The following FER variants were observed in gnomAD, a reference collection of about 807,000 sequenced individuals.
FER encodes FER tyrosine kinase.
In FER, 63 loss-of-function variants were observed where a neutral mutation model predicts 111.0. The observed-to-expected ratio is 0.57, with a 90% CI of 0.46 to 0.70. FER has a LOEUF of 0.70. Among genes scored for constraint, FER ranks in the 30% least tolerant of loss-of-function variants. FER has a pLI of 0.00. For missense variants in FER, 914 were observed against 954.0 expected, an observed-to-expected ratio of 0.96 and a Z score of 0.55; for synonymous variants, 327 against 313.9, an observed-to-expected ratio of 1.04 and a Z score of -0.44.
chr5:108,849,452 G>GTTT (rs895625161), intron 5 of FER, among the ~76,000 whole-genome samples: 4 of 129,108 alleles, frequency 3.1e-5, no homozygotes, highest in African/African-American at 1.2e-4. Flanking sequence ...TCTGGTGGTG[G>GTTT]TTTTGTTGTT....
At chr5:108,950,937 A>G (rs1418177505) in intron 11 of FER, among the ~76,000 whole-genome samples, 1 of 151,708 alleles carries the variant, frequency 6.6e-6, no homozygotes, top group Non-Finnish European at 1.5e-5. Context: ...AGTAATACAT[A>G]GCTTTAAAAT....
chr5:108,890,912 T>G (rs1283121919), intron 9 of FER, among the ~76,000 whole-genome samples: 2 of 152,148 alleles, frequency 1.3e-5, no homozygotes, highest in Non-Finnish European at 2.9e-5. Flanking sequence ...AGTAACTGCC[T>G]AGGATCACAG....
chr5:109,022,118 G>A (rs964700687), intron 13 of FER, among the ~76,000 whole-genome samples: 5 of 152,096 alleles, frequency 3.3e-5, no homozygotes, highest in African/African-American at 1.2e-4. Flanking sequence ...CCTAGAATAT[G>A]TGCCCATATA....
chr5:108,881,990 C>A (rs1458844791), intron 8 of FER, among the ~76,000 whole-genome samples: 1 of 151,878 alleles, frequency 6.6e-6, no homozygotes, highest in African/African-American at 2.4e-5. Context: ...CTACATTTTG[C>A]CTTTTAATTT....
At chr5:108,921,801 G>A (rs920682959) in intron 10 of FER, among the ~76,000 whole-genome samples, 2 of 152,104 alleles carry the variant, frequency 1.3e-5, no homozygotes, top group African/African-American at 4.8e-5. Context: ...CAAACAGTAG[G>A]AATAGATGTT....
At chr5:108,859,557 G>A (rs1763312179) in intron 5 of FER, among the ~76,000 whole-genome samples, 1 of 151,978 alleles carries the variant, frequency 6.6e-6, no homozygotes. Flanking sequence ...TATATTTTTG[G>A]GTAATATGTG....
chr5:108,901,915 C>T (rs954990747), intron 10 of FER, among the ~76,000 whole-genome samples: 11 of 152,162 alleles, frequency 7.2e-5, no homozygotes, highest in Admixed American at 5.2e-4. Flanking sequence ...TGTGCCACTG[C>T]ACTCCAGCCT....
chr5:108,994,872 A>G (rs1232335459), intron 13 of FER, among the ~76,000 whole-genome samples: 1 of 152,108 alleles, frequency 6.6e-6, no homozygotes, highest in Non-Finnish European at 1.5e-5. Context: ...CTTTGTAGCA[A>G]TTGTGAATGG....
chr5:108,838,274 G>A (rs185663428), intron 5 of FER, among the ~76,000 whole-genome samples: 19 of 152,188 alleles, frequency 1.2e-4, no homozygotes, highest in Admixed American at 1.0e-3. Context: ...GCCAGATTAG[G>A]ACACTTTTGG....
chr5:108,845,067 T>TATACATATATATATATATACACACAC (rs1486282738), intron 5 of FER, among the ~76,000 whole-genome samples: 17 of 53,876 alleles, frequency 3.2e-4, no homozygotes, highest in Non-Finnish European at 3.5e-4. Context: ...TATATATATA[T>TATACATATATATATATATACACACAC]ACACACACAC....
chr5:108,828,715 A>G (rs1265408236), intron 3 of FER, among the ~76,000 whole-genome samples: 4 of 152,238 alleles, frequency 2.6e-5, no homozygotes, highest in African/African-American at 9.6e-5. Context: ...ATTCAATTGT[A>G]AGGAATACTA....
At chr5:108,964,851 T>C (rs1363423909) in intron 13 of FER, among the ~76,000 whole-genome samples, 4 of 152,136 alleles carry the variant, frequency 2.6e-5, no homozygotes, top group Non-Finnish European at 2.9e-5. Context: ...AGAACTTTTT[T>C]CCCAGTAACA....
At chr5:108,825,566 G>T (rs972815200) in intron 3 of FER, among the ~76,000 whole-genome samples, 1 of 152,118 alleles carries the variant, frequency 6.6e-6, no homozygotes, top group African/African-American at 2.4e-5. Flanking sequence ...TGCAATTTGT[G>T]TAGTTAACGC....
At chr5:108,818,109 C>T in intron 3 of FER, 1 of 152,090 alleles carries the variant, frequency 6.6e-6, no homozygotes, top group East Asian at 1.9e-4. Context: ...CACAAAACAA[C>T]ACTGCCAAAG....
intron 13 of FER, among the ~76,000 whole-genome samples, chr5:109,006,026 A>G (rs1374271004): frequency 6.6e-6 from 1 of 152,232 alleles, no homozygotes; most frequent in South Asian, 2.1e-4. Context: ...CAGATATACT[A>G]TAGGAACATA....
intron 13 of FER, among the ~76,000 whole-genome samples, chr5:109,007,683 T>C (rs2149795151): frequency 6.6e-6 from 1 of 152,324 alleles, no homozygotes; most frequent in East Asian, 1.9e-4. Flanking sequence ...TGAAAGAGTT[T>C]TTGAGTTTTT....
rs752358278 is a variant in FER, at chr5:109,047,087, A to G, written c.1830-17A>G. On this transcript the variant is annotated splice_polypyrimidine_tract_variant and intron_variant, in intron 15 of 19. Coordinates refer to ENST00000281092, the MANE Select transcript of FER (RefSeq NM_005246.4). ...TTATTCAAATGATAACTATTCGTAT[A>G]TTTTCATCTCATCTAGAATTCTCAA... 8.5e-6 allele frequency: 11 copies of G among 1,301,472 alleles called. No homozygotes were observed. The highest frequency in any genetic ancestry group is 5.6e-5 in the Admixed American group (3 of 53,146). The allele number at this position is 1,301,472 out of a possible 1,614,324, so 80.6% of individuals were successfully genotyped here. A position where few individuals can be genotyped will look rare whatever the true frequency, so the allele number is the denominator to read the frequency against.
chr5:108,781,472 G>A (rs896182209), intron 2 of FER, among the ~76,000 whole-genome samples: 8 of 152,174 alleles, frequency 5.3e-5, no homozygotes, highest in African/African-American at 7.2e-5. Context: ...GATTACAGGC[G>A]TGAGCCACCG....
At chr5:108,987,775 G>A (rs1762739033) in intron 13 of FER, among the ~76,000 whole-genome samples, 1 of 152,078 alleles carries the variant, frequency 6.6e-6, no homozygotes, top group Non-Finnish European at 1.5e-5. Flanking sequence ...CAATTTGGAT[G>A]CCCTTTATTT....
Sources: gnomAD v4.1 joint callset for allele counts (sites outside exome capture counted in the v4.1 genomes callset) on GRCh38, gnomAD v4.1.1 for gene constraint, MANE v1.5 for transcripts, NCBI Gene and HGNC (gene_info 2026-07-23, HGNC 2026-07-21) for gene names.